NBEA: variants seen among roughly 807,000 people sequenced by gnomAD.
The protein encoded by NBEA is lysosomal-trafficking regulator 2.
NBEA carries 44 observed loss-of-function variants against 343.4 expected under a neutral mutation model. That is an observed-to-expected ratio of 0.13 (90% confidence interval 0.10 to 0.16). The LOEUF (loss-of-function observed/expected upper bound fraction) is 0.16. Among genes scored for constraint, NBEA ranks in the 10% least tolerant of loss-of-function variants. The pLI is 1.00. For missense variants in NBEA, 2,555 were observed against 3,631.3 expected (o/e 0.70, Z 7.62); for synonymous variants, 1,175 against 1,238.7 (o/e 0.95, Z 1.08).
At chr13:35,011,423 C>A (rs953679316) in intron 1 of NBEA, among the ~76,000 whole-genome samples, 1 of 152,102 alleles carries the variant, frequency 6.6e-6, no homozygotes, top group Admixed American at 6.5e-5. Context: ...ACTAACCACA[C>A]CTTGAATACT....
chr13:35,232,457 T>G lies in NBEA; in HGVS notation c.5649-35T>G, dbSNP rs553013057. On this transcript the variant is annotated intron_variant, in intron 33 of 58. Coordinates refer to ENST00000379939, the MANE Select transcript of NBEA (RefSeq NM_001385012.1). The stretch of plus-strand genomic sequence containing the variant: ...GTTTATTTGACATTTTATATTGAAT[T>G]ATATTTATTAGTTTTTATGTCTTAA... 3 of 1,334,430 alleles carry G rather than the reference T, an allele frequency of 2.2e-6. No individual in the cohort carries two copies. The South Asian group carries it at 4.1e-5, about 18-fold the overall frequency. 82.7% of individuals were successfully genotyped at this position (1,334,430 alleles called of 1,614,324 possible). A position where few individuals can be genotyped will look rare whatever the true frequency, so the allele number is the denominator to read the frequency against.
intron 36 of NBEA, among the ~76,000 whole-genome samples, 186 bp from the exon 37 acceptor site, chr13:35,348,922 C>T (rs1251807425): frequency 1.3e-5 from 2 of 151,932 alleles, no homozygotes; most frequent in Non-Finnish European, 2.9e-5. Flanking sequence ...GGAATTGGTG[C>T]AACAGTTTTA....
chr13:35,352,333 A>T lies in NBEA; in HGVS notation c.6179+10A>T. ...GAGCAGTTTCTCATAGGTGAGTTAT[A>T]ATAAATTCGAGTAAATAATAATTCA... is the stretch of plus-strand genomic sequence containing the variant. On this transcript the variant is annotated intron_variant, in intron 38 of 58. Transcript: ENST00000379939. The T allele has an allele frequency of 7.2e-7, 1 of 1,395,738 alleles. No individual in the cohort carries two copies. 86.5% of individuals were successfully genotyped at this position (1,395,738 alleles called of 1,614,324 possible).
intron 45 of NBEA, among the ~76,000 whole-genome samples, chr13:35,577,758 G>A (rs892063731): frequency 5.9e-5 from 9 of 152,124 alleles, no homozygotes; most frequent in Non-Finnish European, 1.2e-4. Flanking sequence ...ATAAAAGACA[G>A]GGAGTTTCTT....
chr13:35,322,236 C>T (rs2038205206), intron 36 of NBEA, among the ~76,000 whole-genome samples: 1 of 152,140 alleles, frequency 6.6e-6, no homozygotes, highest in Non-Finnish European at 1.5e-5. Flanking sequence ...TGTAGGCACC[C>T]AAGAAAATCT....
chr13:35,179,746 T>A, intron 28 of NBEA: 3 of 983,412 alleles, frequency 3.1e-6, no homozygotes, highest in Non-Finnish European at 3.6e-6. Context: ...ATAGAAGTAT[T>A]ATGGGATATT....
At chr13:35,150,707 G>GATTACTACATT (rs2068720465) in intron 18 of NBEA, among the ~76,000 whole-genome samples, 1 of 151,956 alleles carries the variant, frequency 6.6e-6, no homozygotes, top group African/African-American at 2.4e-5. Flanking sequence ...CAATGCATCA[G>GATTACTACATT]AATAAATATT....
intron 55 of NBEA, among the ~76,000 whole-genome samples, 193 bp from the exon 56 acceptor site, chr13:35,664,892 T>C (rs2085275776): frequency 6.6e-6 from 1 of 152,258 alleles, no homozygotes; most frequent in Non-Finnish European, 1.5e-5. Context: ...AAACAGCATG[T>C]ATAATAGATT....
At chr13:35,483,163 G>A (rs1019281814) in intron 41 of NBEA, among the ~76,000 whole-genome samples, 11 of 151,862 alleles carry the variant, frequency 7.2e-5, no homozygotes, top group Non-Finnish European at 1.5e-4. Flanking sequence ...ATTAATACTT[G>A]GTAGAAGATT....
At chr13:35,422,457 G>A (rs1330346763) in intron 38 of NBEA, among the ~76,000 whole-genome samples, 3 of 152,016 alleles carry the variant, frequency 2.0e-5, no homozygotes, top group Non-Finnish European at 4.4e-5. Context: ...TTTCATCCAT[G>A]TCCCTACAAA....
chr13:35,413,168 T>G (rs1278293515), intron 38 of NBEA, among the ~76,000 whole-genome samples: 1 of 152,116 alleles, frequency 6.6e-6, no homozygotes, highest in Non-Finnish European at 1.5e-5. Flanking sequence ...TCAACATGAT[T>G]AAGTTCAAAG....
At chr13:35,599,337 CTATT>C (rs2081950753) in intron 47 of NBEA, among the ~76,000 whole-genome samples, 1 of 152,206 alleles carries the variant, frequency 6.6e-6, no homozygotes, top group Non-Finnish European at 1.5e-5. Context: ...CTTAAAACAA[CTATT>C]TATTCATCGA....
intron 24 of NBEA, among the ~76,000 whole-genome samples, chr13:35,165,759 A>G (rs1168899981): frequency 6.7e-6 from 1 of 149,552 alleles, no homozygotes; most frequent in African/African-American, 2.5e-5. Flanking sequence ...ATCTCAGCTC[A>G]CTGCAACCTC....
chr13:35,314,558 T>A (rs2152835902), intron 36 of NBEA, among the ~76,000 whole-genome samples: 1 of 152,292 alleles, frequency 6.6e-6, no homozygotes, highest in Middle Eastern at 3.4e-3. Flanking sequence ...GTGGATTTTT[T>A]ATGGCTGTTC....
chr13:35,398,942 A>T (rs532480926), intron 38 of NBEA, among the ~76,000 whole-genome samples: 2 of 152,260 alleles, frequency 1.3e-5, no homozygotes, highest in East Asian at 3.9e-4. Context: ...AGGCTGTTTC[A>T]TCTACATTGA....
intron 1 of NBEA, among the ~76,000 whole-genome samples, chr13:35,032,147 T>C (rs2062248648): frequency 6.6e-6 from 1 of 151,764 alleles, no homozygotes. Context: ...ATAATTTGTA[T>C]TCCTCTGGAT....
At chr13:35,067,987 C>T (rs2152572705) in intron 8 of NBEA, among the ~76,000 whole-genome samples, 1 of 152,146 alleles carries the variant, frequency 6.6e-6, no homozygotes, top group South Asian at 2.1e-4. Context: ...ATCCTCCCAC[C>T]TTGGCCTCTC....
intron 41 of NBEA, chr13:35,474,165 C>G (rs1466464543): frequency 6.6e-6 from 1 of 152,502 alleles, no homozygotes; most frequent in African/African-American, 2.4e-5. Context: ...ATCATTACAT[C>G]TTGTGATAGG....
rs376509537 is a variant in NBEA at position 35,325,622 on chromosome 13, A to G, written c.5903+16030A>G. On this transcript the variant is annotated intron_variant, in intron 36 of 58. Transcript: ENST00000379939. Reference sequence around the variant, plus strand: ...AATTTTTAACAAGGTTTGGCAAATCAAATCTAGCAATATATGAAAAGGATT... The same window carrying G: ...AATTTTTAACAAGGTTTGGCAAATCGAATCTAGCAATATATGAAAAGGATT... Among the ~76,000 whole-genome samples the G allele has an allele frequency of 3.9e-5, 6 of 152,192 alleles. No homozygotes were observed. In the East Asian group the frequency reaches 7.7e-4, roughly 20 times the overall value.
Sources: gnomAD v4.1 joint callset for allele counts (sites outside exome capture counted in the v4.1 genomes callset) on GRCh38, gnomAD v4.1.1 for gene constraint, MANE v1.5 for transcripts, NCBI Gene and HGNC (gene_info 2026-07-23, HGNC 2026-07-21) for gene names.